Variants in ALG12 observed in about 807,000 individuals in gnomAD.
ALG12 encodes the protein dol-P-Man:Man(7)GlcNAc(2)-PP-Dol alpha-1,6-mannosyltransferase.
A neutral mutation model predicts 46.0 loss-of-function variants in ALG12; 36 were observed. That is an observed-to-expected ratio of 0.78 (90% CI 0.60 to 1.03). The LOEUF is 1.03. Ranked by LOEUF, ALG12 falls within the 50% of genes least tolerant of loss-of-function variation. ALG12 has a pLI of 0.00. For synonymous variants in ALG12, 326 were observed against 291.6 expected (o/e 1.12, Z -1.20); for missense variants, 599 against 633.5 (o/e 0.95, Z 0.58).
At chr22:49,878,914 G>C in the ALG12 span, among the ~76,000 whole-genome samples, 1 of 151,922 alleles carries the variant, frequency 6.6e-6, no homozygotes. Flanking sequence ...GGAGGCCGAG[G>C]CGGGCAGATC....
rs758454509 is a variant in ALG12, at chr22:49,905,683, G to A, written c.993-1177C>T. On this transcript the variant is annotated intron_variant, in intron 7 of 9. Transcript: ENST00000330817. The surrounding 1 kb of genome is among the most constrained non-coding windows in gnomAD (Gnocchi z 4.9). Reference sequence around the variant, plus strand: ...CAGCCTGGAAGCTGAGCAGACACCAGTACCACGCTTCCCGTACAGCCTGCG... The same window carrying A: ...CAGCCTGGAAGCTGAGCAGACACCAATACCACGCTTCCCGTACAGCCTGCG... Among the ~76,000 whole-genome samples, 10 of 152,228 alleles carry A rather than the reference G, an allele frequency of 6.6e-5. No individual in the cohort carries two copies. Among genetic ancestry groups the A allele is most frequent in the Non-Finnish European group, 1.0e-4 (7 of 68,042 alleles).
chr22:49,913,631 C>CA lies in ALG12; in HGVS notation c.134dup (p.Leu46AlafsTer14). On this transcript the variant is annotated frameshift_variant, in exon 2 of 10. Coordinates refer to ENST00000330817, the MANE Select transcript of ALG12 (RefSeq NM_024105.4). LOFTEE classifies it high-confidence loss of function. Reference sequence around the variant, plus strand: ...GCTCCAGGTCTTGCCAGTGGTAGAGCAGGTCATGTGTGGCCTGCAGGTTGA... The same window carrying CA: ...GCTCCAGGTCTTGCCAGTGGTAGAGCAAGGTCATGTGTGGCCTGCAGGTTGA... 6.2e-7 allele frequency: 1 copy of CA among 1,614,130 alleles called. No homozygotes were observed. Among genetic ancestry groups the CA allele is most frequent in the Non-Finnish European group, 8.5e-7 (1 of 1,180,030 alleles).
Position 49,903,941 on chromosome 22 carries a change from A to G in ALG12, c.1364T>C (p.Val455Ala). The G allele has an allele frequency of 1.2e-6, 2 of 1,614,218 alleles. No homozygotes were observed. Among genetic ancestry groups the G allele is most frequent in the Non-Finnish European group, 1.7e-6 (2 of 1,180,016 alleles). ...GTTCAGACTCACACCTGTGGTCCCC[A>G]CGACGCTGGCCAGGACCCGGTGTGT... ...RDTHRVLASV[V>A]GTTGVSLNLT... The change falls in exon 10 of 10, where the codon GTG (valine) becomes GCG (alanine). Residue 455 changes from valine (V) to alanine (A), a missense_variant. By Grantham distance (64) the Val-to-Ala change is moderately conservative. Coordinates refer to ENST00000330817, the MANE Select transcript of ALG12 (RefSeq NM_024105.4).
the ALG12 span, among the ~76,000 whole-genome samples, chr22:49,882,209 G>A: frequency 6.6e-6 from 1 of 152,326 alleles, no homozygotes; most frequent in African/African-American, 2.4e-5. Flanking sequence ...CACTCCCTGT[G>A]TCCCTTGAAG....
chr22:49,911,421 G>A (rs1415608688), intron 3 of ALG12, among the ~76,000 whole-genome samples: 5 of 151,778 alleles, frequency 3.3e-5, no homozygotes, highest in Non-Finnish European at 7.4e-5. Flanking sequence ...TGCTGGATTC[G>A]GACTGCAAAT....
At chr22:49,917,989 C>A (rs1485912880) in intron 1 of ALG12, among the ~76,000 whole-genome samples, 1 of 151,858 alleles carries the variant, frequency 6.6e-6, no homozygotes, top group African/African-American at 2.4e-5. Flanking sequence ...GAGGTCCAGC[C>A]CCAGGTGAGA....
At chr22:49,896,120 C>G (rs145050765), downstream of ALG12, among the ~76,000 whole-genome samples, 510 of 152,336 alleles carry the variant, frequency 3.3e-3, 10 homozygotes, top group Middle Eastern at 0.014. Context: ...AGTCTGTTAA[C>G]AGACCAGAGG....
Position 49,910,438 on chromosome 22 carries a change from A to C in ALG12, c.465T>G (p.Pro155=), listed in dbSNP as rs201564211. ...GCCCGGCCGGCAGCTACGTACCTAC[A>C]GGCAGGGCCAGCACATTGGGCAGTG... ...TRTLPNVLAL[P]VVLLALAAWL... The change falls in exon 4 of 10, where the codon CCT becomes CCG. Residue 155 remains proline, a synonymous_variant. Transcript: ENST00000330817. The C allele has an allele frequency of 6.2e-7, 1 of 1,613,246 alleles. No homozygotes were observed. The highest frequency in any genetic ancestry group is 1.3e-5 in the African/African-American group (1 of 74,930).
At chr22:49,884,647 A>C in the ALG12 span, 1 of 1,612,602 alleles carries the variant, frequency 6.2e-7, no homozygotes, top group Non-Finnish European at 8.5e-7. Context: ...CTGCCTCATC[A>C]GGCACATGTG....
chr22:49,904,425 G>A lies in ALG12; in HGVS notation c.1074C>T (p.Tyr358=). 6.2e-7 allele frequency: 1 copy of A among 1,614,202 alleles called. No individual in the cohort carries two copies. Among genetic ancestry groups the A allele is most frequent in the Admixed American group, 1.7e-5 (1 of 60,034 alleles). Residue 358 remains tyrosine, a synonymous_variant, in exon 8 of 10, where the codon TAC becomes TAT. Coordinates refer to ENST00000330817, the MANE Select transcript of ALG12 (RefSeq NM_024105.4). ...VIGHLVVNAA[Y]SATALYVSHF... ...GGGACACATACAGGGCCGTGGCTGA[G>A]TAGGCGGCATTCACCACGAGGTGTC...
In ALG12 at chr22:49,913,738, G is replaced by C. The variant is rs148343441; in HGVS notation, c.28C>G (p.Arg10Gly). 1 of 1,613,704 alleles carries C rather than the reference G, an allele frequency of 6.2e-7. No individual in the cohort carries two copies. Among genetic ancestry groups the C allele is most frequent in the South Asian group, 1.1e-5 (1 of 91,082 alleles). The change falls in exon 2 of 10, where the codon CGG (arginine) becomes GGG (glycine). Residue 10 changes from arginine to glycine, a missense_variant. Transcript: ENST00000330817. The part of the protein sequence containing the change: MAGKGSSGR[R>G]PLLLGLLVAV... The stretch of plus-strand genomic sequence containing the variant: ...ACCAGCAGCCCCAGCAGCAGGGGCC[G>C]CCTGCCTGATGACCCCTTTCCAGCC...
chr22:49,897,613 T>G (rs2060488065), downstream of ALG12, among the ~76,000 whole-genome samples: 1 of 152,060 alleles, frequency 6.6e-6, no homozygotes, highest in Non-Finnish European at 1.5e-5. Flanking sequence ...AATTGCCATC[T>G]GCGTATCTTC....
chr22:49,885,482 T>A, the ALG12 span: 2 of 1,612,418 alleles, frequency 1.2e-6, no homozygotes. Context: ...TTACAGCGGT[T>A]CCATAGCAAC....
the ALG12 span, among the ~76,000 whole-genome samples, chr22:49,883,044 C>T: frequency 1.5e-4 from 23 of 152,312 alleles, no homozygotes; most frequent in African/African-American, 5.1e-4. Flanking sequence ...GGCATAAATT[C>T]TAGATGAGGC....
At position 49,905,094 on chromosome 22, in the gene ALG12, G is replaced by A. The variant is rs1356978083; in HGVS notation, c.993-588C>T. 6.6e-6 allele frequency among the ~76,000 whole-genome samples: 1 copy of A among 151,252 alleles called. No individual in the cohort carries two copies. The highest frequency in any genetic ancestry group is 2.4e-5 in the African/African-American group (1 of 41,064). On this transcript the variant is annotated intron_variant, in intron 7 of 9. Coordinates refer to ENST00000330817, the MANE Select transcript of ALG12 (RefSeq NM_024105.4). This position sits in a 1 kb window ranked among gnomAD's most constrained non-coding sequence, Gnocchi z 4.9. Reference sequence around the variant, plus strand: ...CTGTGTAGGTCAGAGTGCCACCCGCGCGGCCAAGCCCACTCCCAGCAGGTC... The same window carrying A: ...CTGTGTAGGTCAGAGTGCCACCCGCACGGCCAAGCCCACTCCCAGCAGGTC...
Position 49,903,605 on chromosome 22 carries a change from C to A in ALG12, c.*233G>T. On this transcript the variant is annotated 3_prime_UTR_variant, in exon 10 of 10. Transcript: ENST00000330817. ...CTGAGCTGGCCACCATCACCCTGGG[C>A]AGTGGCTCCCGGGGTGCCAACAAGA... 5.8e-6 allele frequency: 4 copies of A among 685,260 alleles called. No individual in the cohort carries two copies. Among genetic ancestry groups the A allele is most frequent in the Non-Finnish European group, 1.1e-5 (4 of 374,916 alleles). 42.4% of individuals were successfully genotyped at this position (685,260 alleles called of 1,614,324 possible). A position where few individuals can be genotyped will look rare whatever the true frequency, so the allele number is the denominator to read the frequency against.
At chr22:49,891,790 A>C in the ALG12 span, among the ~76,000 whole-genome samples, 6 of 152,202 alleles carry the variant, frequency 3.9e-5, no homozygotes, top group African/African-American at 1.4e-4. Context: ...TTTGAAATGC[A>C]TGCATAGTTT....
rs1220881069 is a variant in ALG12, at chr22:49,908,543, A to C, written c.769-599T>G. Among the ~76,000 whole-genome samples, 13 of 145,090 alleles carry C rather than the reference A, an allele frequency of 9.0e-5. 1 individual carries two copies. The highest frequency in any genetic ancestry group is 1.2e-4 in the Non-Finnish European group (8 of 66,836). On this transcript the variant is annotated intron_variant, in intron 6 of 9. Coordinates refer to ENST00000330817, the MANE Select transcript of ALG12 (RefSeq NM_024105.4). ...CTCTGTCTCAAAAAAAAAAAAAAAA[A>C]AAACCAAAAAACAAAAAACAGACGG...
rs1369464984 is a variant in ALG12, at chr22:49,904,059, TGTC to T, written c.1243_1245del (p.Asp415del). 4 of 1,613,992 alleles carry T rather than the reference TGTC, an allele frequency of 2.5e-6. No individual in the cohort carries two copies. Among genetic ancestry groups the T allele is most frequent in the Admixed American group, 3.3e-5 (2 of 60,018 alleles). On this transcript the variant is annotated inframe_deletion, in exon 10 of 10. Coordinates refer to ENST00000330817, the MANE Select transcript of ALG12 (RefSeq NM_024105.4). Reference sequence around the variant, plus strand: ...GTCCCCGGCTGCACATCCTCCCTCTTGTCGTACCTGTGGGATGAGAGCTGGTGG... The same window carrying T: ...GTCCCCGGCTGCACATCCTCCCTCTTGTACCTGTGGGATGAGAGCTGGTGG...
Sources: allele counts gnomAD v4.1 joint callset (sites outside exome capture counted in the v4.1 genomes callset), GRCh38; gene constraint gnomAD v4.1.1; non-coding constraint Gnocchi (gnomAD v3.1); transcripts MANE v1.5; gene names NCBI Gene and HGNC (gene_info 2026-07-23, HGNC 2026-07-21).